RAB3GAP2: variants seen among roughly 807,000 people sequenced by gnomAD.
The protein encoded by RAB3GAP2 is rab3 GTPase-activating protein non-catalytic subunit.
Under a neutral mutation model 185.3 loss-of-function variants are expected in RAB3GAP2, and 87 were observed. The ratio of observed to expected loss-of-function variants is 0.47; its 90% confidence interval spans 0.39 to 0.56. RAB3GAP2 has a LOEUF of 0.56. Ranked by LOEUF, RAB3GAP2 falls within the 20% of genes least tolerant of loss-of-function variation. The probability of loss-of-function intolerance (pLI) is 0.00; values close to 1 mark genes in which losing one functional copy is unlikely to be tolerated. For missense variants in RAB3GAP2, 1,492 were observed against 1,638.2 expected (o/e 0.91, Z 1.54); for synonymous variants, 554 against 576.1 (o/e 0.96, Z 0.55).
chr1:220,188,546 A>T (rs115283653), intron 17 of RAB3GAP2, among the ~76,000 whole-genome samples: 6 of 152,178 alleles, frequency 3.9e-5, no homozygotes, highest in African/African-American at 1.4e-4. Flanking sequence ...GTCTGGCAAT[A>T]CCATGGAATA....
At chr1:220,228,219 G>A (rs1191378297) in intron 2 of RAB3GAP2, among the ~76,000 whole-genome samples, 2 of 152,098 alleles carry the variant, frequency 1.3e-5, no homozygotes, top group African/African-American at 4.8e-5. Context: ...AGAGTAAAAG[G>A]TTCTCTTTCC....
At chr1:220,234,465 C>G (rs1659558220) in intron 1 of RAB3GAP2, among the ~76,000 whole-genome samples, 1 of 151,834 alleles carries the variant, frequency 6.6e-6, no homozygotes, top group South Asian at 2.1e-4. Flanking sequence ...ATCTTCTGTA[C>G]TTAAATGCCA....
chr1:220,168,885 T>C (rs934459519), intron 24 of RAB3GAP2, among the ~76,000 whole-genome samples: 1 of 152,246 alleles, frequency 6.6e-6, no homozygotes, highest in African/African-American at 2.4e-5. Context: ...TATACTCTAT[T>C]GTTTACCAAA....
intron 24 of RAB3GAP2, among the ~76,000 whole-genome samples, chr1:220,169,109 C>T (rs1197003113): frequency 2.0e-5 from 3 of 152,118 alleles, no homozygotes; most frequent in Non-Finnish European, 4.4e-5. Flanking sequence ...AAATGGCATC[C>T]TTACCCTTTC....
rs1657741889 is a variant in RAB3GAP2, at chr1:220,151,011, A to G, written c.*240T>C. ...GTTTGAATTAGAAATAAACAGTAAA[A>G]CATCTGTATTAATTATAACAGAGTT... On this transcript the variant is annotated 3_prime_UTR_variant, in exon 35 of 35. Coordinates refer to ENST00000358951, the MANE Select transcript of RAB3GAP2 (RefSeq NM_012414.4). 1.1e-5 allele frequency: 5 copies of G among 460,290 alleles called. No individual in the cohort carries two copies. The highest frequency in any genetic ancestry group is 1.9e-5 in the Non-Finnish European group (5 of 262,686). The allele number at this position is 460,290 out of a possible 1,614,324, so 28.5% of individuals were successfully genotyped here.
At chr1:220,249,776 G>A (rs998398859) in intron 1 of RAB3GAP2, among the ~76,000 whole-genome samples, 2 of 152,182 alleles carry the variant, frequency 1.3e-5, no homozygotes, top group Non-Finnish European at 2.9e-5. Flanking sequence ...ATGGCTAAAA[G>A]GGGTCAACAT....
At chr1:220,181,405 A>G (rs1266542511) in intron 21 of RAB3GAP2, among the ~76,000 whole-genome samples, 5 of 152,166 alleles carry the variant, frequency 3.3e-5, no homozygotes, top group Non-Finnish European at 7.4e-5. Context: ...GTATGCATGC[A>G]TGTGTAGGGG....
At chr1:220,182,215 T>C (rs761146145) in intron 21 of RAB3GAP2, 42 bp downstream of exon 21, 4 of 1,612,578 alleles carry the variant, frequency 2.5e-6, no homozygotes, top group East Asian at 2.2e-5. Flanking sequence ...CTGGGTGACA[T>C]TCACAAGGAA....
chr1:220,192,255 A>C (rs1242558173), intron 13 of RAB3GAP2, among the ~76,000 whole-genome samples: 1 of 152,218 alleles, frequency 6.6e-6, no homozygotes, highest in Non-Finnish European at 1.5e-5. Context: ...AGATACTGAG[A>C]CATGTAGTAG....
rs951861495 is a variant in RAB3GAP2, at chr1:220,202,346, T to C, written c.741A>G (p.Gln247=). The C allele has an allele frequency of 1.2e-6, 2 of 1,613,860 alleles. No individual in the cohort carries two copies. The highest frequency in any genetic ancestry group is 1.3e-5 in the African/African-American group (1 of 75,022). Residue 247 remains glutamine, a synonymous_variant, in exon 9 of 35, where the codon CAA becomes CAG. Transcript: ENST00000358951. ...KAAASGNENI[Q]PPPLAYKKWG... ...ATTTCTTATAAGCTAATGGTGGTGGTTGTATGTTCTCATTGCCTGATGCTG... is the reference window on the plus strand; with the variant it reads ...ATTTCTTATAAGCTAATGGTGGTGGCTGTATGTTCTCATTGCCTGATGCTG...
At chr1:220,166,722 C>T (rs1486358273) in intron 26 of RAB3GAP2, among the ~76,000 whole-genome samples, 1 of 152,186 alleles carries the variant, frequency 6.6e-6, no homozygotes, top group Non-Finnish European at 1.5e-5. Flanking sequence ...GGCAGCAAGG[C>T]TAACCTTGGA....
At chr1:220,217,989 A>G (rs1659229531) in intron 2 of RAB3GAP2, among the ~76,000 whole-genome samples, 1 of 152,212 alleles carries the variant, frequency 6.6e-6, no homozygotes, top group African/African-American at 2.4e-5. Context: ...TCCCAAAAGG[A>G]CTACCCATGA....
Position 220,164,808 on chromosome 1 carries a change from C to A in RAB3GAP2, c.3088-9G>T. The A allele has an allele frequency of 6.2e-7, 1 of 1,604,428 alleles. No homozygotes were observed. The highest frequency in any genetic ancestry group is 8.5e-7 in the Non-Finnish European group (1 of 1,174,044). On this transcript the variant is annotated splice_polypyrimidine_tract_variant and intron_variant, in intron 26 of 34. Coordinates refer to ENST00000358951, the MANE Select transcript of RAB3GAP2 (RefSeq NM_012414.4). ...ACAAAAAAACGTGCTTCCTTACATA[C>A]AGGGAGAAAAAAACGAGAAAGAAAA...
chr1:220,179,771 G>A (rs1658365672), intron 21 of RAB3GAP2, among the ~76,000 whole-genome samples: 1 of 152,026 alleles, frequency 6.6e-6, no homozygotes, highest in South Asian at 2.1e-4. Flanking sequence ...CAACCAATGA[G>A]GCAAGGAAGC....
At chr1:220,251,412 GAT>G (rs780172771) in intron 1 of RAB3GAP2, among the ~76,000 whole-genome samples, 2 of 152,070 alleles carry the variant, frequency 1.3e-5, no homozygotes, top group African/African-American at 2.4e-5. Context: ...ATAAACACAG[GAT>G]ATGATAAACT....
At chr1:220,237,054 C>T (rs971475200) in intron 1 of RAB3GAP2, among the ~76,000 whole-genome samples, 11 of 152,108 alleles carry the variant, frequency 7.2e-5, no homozygotes, top group African/African-American at 2.7e-4. Context: ...ATAAATAGAT[C>T]AATATCTTTT....
chr1:220,211,500 C>T lies in RAB3GAP2; in HGVS notation c.387-498G>A. The T allele has an allele frequency of 7.9e-6, 3 of 378,566 alleles. 1 individual carries two copies. Among genetic ancestry groups the T allele is most frequent in the South Asian group, 6.0e-5 (3 of 49,684 alleles). 23.5% of individuals were successfully genotyped at this position (378,566 alleles called of 1,614,324 possible). ...CATTATTTTAGGAACTTATGTATTT[C>T]AACTTGCTGGGTTTTCTTTTCTATT... On this transcript the variant is annotated intron_variant, in intron 4 of 34. Coordinates refer to ENST00000358951, the MANE Select transcript of RAB3GAP2 (RefSeq NM_012414.4).
In RAB3GAP2 at chr1:220,191,107, C is replaced by T; in HGVS notation, c.1448G>A (p.Gly483Glu). 6.2e-7 allele frequency: 1 copy of T among 1,614,000 alleles called. No individual in the cohort carries two copies. Among genetic ancestry groups the T allele is most frequent in the Non-Finnish European group, 8.5e-7 (1 of 1,179,958 alleles). Residue 483 changes from glycine to glutamate, a missense_variant, in exon 14 of 35, where the codon GGA becomes GAA. By Grantham distance (98) the Gly-to-Glu change is moderately conservative (BLOSUM62 -2). Around this residue, in one of 5 missense-constraint regions of RAB3GAP2, gnomAD observed 681 missense variants for 689.1 expected, o/e 0.99. Coordinates refer to ENST00000358951, the MANE Select transcript of RAB3GAP2 (RefSeq NM_012414.4). ...GILEVWSTQQ[G>E]PRVGAFNVGK... ...CACATTGAAAGCTCCTACTCTAGGT[C>T]CCTGCTGTGTGCTCCACACTTCTAA...
intron 1 of RAB3GAP2, among the ~76,000 whole-genome samples, chr1:220,240,138 G>A (rs899650930): frequency 3.3e-5 from 5 of 152,078 alleles, no homozygotes; most frequent in African/African-American, 1.2e-4. Flanking sequence ...TCTAAAAATA[G>A]ATGATGAGAA....
Sources: gnomAD v4.1 joint callset for allele counts (sites outside exome capture counted in the v4.1 genomes callset) on GRCh38, gnomAD v4.1.1 for gene constraint, gnomAD v4.1.1 regional missense constraint, MANE v1.5 for transcripts, NCBI Gene and HGNC (gene_info 2026-07-23, HGNC 2026-07-21) for gene names.